EVI5: variants seen among roughly 807,000 people sequenced by gnomAD.
EVI5 encodes the protein ecotropic viral integration site 5, also known as ecotropic viral integration site 5 protein homolog.
Under a neutral mutation model 112.0 loss-of-function variants are expected in EVI5, and 73 were observed. That is an observed-to-expected ratio of 0.65 (90% CI 0.54 to 0.79). The LOEUF (loss-of-function observed/expected upper bound fraction) is 0.79, where lower values mean the gene tolerates loss of function less well. EVI5 is among the 30% of genes least tolerant of loss of function. The pLI, the probability that EVI5 is intolerant of heterozygous loss-of-function variation, is 0.00. For missense variants in EVI5, 900 were observed against 968.8 expected, an observed-to-expected ratio of 0.93 and a Z score of 0.94; for synonymous variants, 305 against 319.9, an observed-to-expected ratio of 0.95 and a Z score of 0.50.
intron 18 of EVI5, among the ~76,000 whole-genome samples, chr1:92,587,401 A>C (rs1672991770): frequency 1.3e-5 from 2 of 152,112 alleles, no homozygotes; most frequent in African/African-American, 4.8e-5. Context: ...AAAAAAAAAA[A>C]AAAAACTATT....
intron 2 of EVI5, among the ~76,000 whole-genome samples, chr1:92,721,649 A>T (rs1280588970): frequency 1.3e-5 from 2 of 152,220 alleles, no homozygotes; most frequent in African/African-American, 4.8e-5. Flanking sequence ...TACGTTGTGC[A>T]CATGTACCCT....
At chr1:92,563,614 T>C (rs1254348782) in intron 19 of EVI5, 28 bp downstream of exon 19, 2 of 1,174,932 alleles carry the variant, frequency 1.7e-6, no homozygotes, top group African/African-American at 1.5e-5. Flanking sequence ...AAGAAAGCAA[T>C]ATGTGAAGAT....
rs534480963 is a variant in EVI5 at position 92,623,526 on chromosome 1, AT to A, written c.1827+649del. ...GGGTTTCATAAAAAGACCTTTGCAG[AT>A]CTTAAGTATATTTAAGATAGAATTT... On this transcript the variant is annotated intron_variant, in intron 16 of 19. Transcript: ENST00000684568. Among the ~76,000 whole-genome samples the A allele has an allele frequency of 6.4e-4, 97 of 152,368 alleles. 1 individual carries two copies. The highest frequency in any genetic ancestry group is 2.1e-3 in the African/African-American group (86 of 41,592).
intron 2 of EVI5, chr1:92,713,879 A>G (rs1673217141): frequency 3.9e-6 from 1 of 257,002 alleles, no homozygotes. Context: ...TAAAAACGGA[A>G]CAAATATGGC....
intron 2 of EVI5, among the ~76,000 whole-genome samples, chr1:92,730,361 A>C (rs1676247240): frequency 6.6e-6 from 1 of 151,924 alleles, no homozygotes; most frequent in Non-Finnish European, 1.5e-5. Flanking sequence ...CCCATCTCTA[A>C]AAGAAAGAAA....
chr1:92,518,194 G>A (rs1048970183), intron 19 of EVI5, among the ~76,000 whole-genome samples: 1 of 152,050 alleles, frequency 6.6e-6, no homozygotes, highest in Non-Finnish European at 1.5e-5. Flanking sequence ...CATCATGACT[G>A]GCAAAGCATA....
chr1:92,542,409 G>A (rs1043779629), intron 19 of EVI5, among the ~76,000 whole-genome samples: 3 of 152,086 alleles, frequency 2.0e-5, no homozygotes, highest in African/African-American at 7.2e-5. Context: ...CATCTGCAGT[G>A]ACTTCCTCCA....
In EVI5 at chr1:92,784,954, T is replaced by C. The variant is rs1685428729; in HGVS notation, c.-200A>G. 2.0e-6 allele frequency: 2 copies of C among 985,316 alleles called. No homozygotes were observed. Among genetic ancestry groups the C allele is most frequent in the Non-Finnish European group, 2.4e-6 (2 of 830,190 alleles). The allele number at this position is 985,316 out of a possible 1,614,324, so 61.0% of individuals were successfully genotyped here. On this transcript the variant is annotated 5_prime_UTR_variant, in exon 1 of 20. Transcript: ENST00000684568. ...GGCTCCACGGGTCGCCCGTCCCGAG[T>C]TCCCAAAAGCACCACGCTCACTCAG...
At position 92,702,865 on chromosome 1, in the gene EVI5, G is replaced by C. The variant is rs188151345; in HGVS notation, c.564+530C>G. ...ATTGATGTATATAAAACTAGACTAGGTTTAAGGCAAAGGATTGGCGAAATT... is the reference window on the plus strand; with the variant it reads ...ATTGATGTATATAAAACTAGACTAGCTTTAAGGCAAAGGATTGGCGAAATT... On this transcript the variant is annotated intron_variant, in intron 4 of 19. Transcript: ENST00000684568. Among the ~76,000 whole-genome samples the C allele has an allele frequency of 9.0e-4, 137 of 152,056 alleles. 1 individual carries two copies. Among genetic ancestry groups the C allele is most frequent in the African/African-American group, 3.3e-3 (135 of 41,466 alleles).
intron 19 of EVI5, among the ~76,000 whole-genome samples, chr1:92,536,979 T>C (rs1469525486): frequency 6.6e-6 from 1 of 152,162 alleles, no homozygotes; most frequent in Non-Finnish European, 1.5e-5. Flanking sequence ...AGTGCTTTCA[T>C]GCATATTATT....
intron 16 of EVI5, among the ~76,000 whole-genome samples, chr1:92,615,765 T>C (rs1275443265): frequency 6.6e-6 from 1 of 152,142 alleles, no homozygotes; most frequent in Non-Finnish European, 1.5e-5. Context: ...ACCTGTTTGC[T>C]TCTAGACCTA....
At chr1:92,631,407 G>C (rs1485588691) in intron 14 of EVI5, among the ~76,000 whole-genome samples, 9 of 152,190 alleles carry the variant, frequency 5.9e-5, no homozygotes, top group Admixed American at 5.9e-4. Flanking sequence ...TCCCTTGTAA[G>C]TTGGATTCCC....
chr1:92,640,705 T>C (rs1425021844), intron 13 of EVI5, among the ~76,000 whole-genome samples: 1 of 152,040 alleles, frequency 6.6e-6, no homozygotes, highest in African/African-American at 2.4e-5. Context: ...GAAATACCAT[T>C]TGACCCAGCA....
upstream of EVI5, among the ~76,000 whole-genome samples, chr1:92,785,633 C>T (rs1685549345): frequency 6.6e-6 from 1 of 152,190 alleles, no homozygotes; most frequent in Non-Finnish European, 1.5e-5. Context: ...GGCACGAATA[C>T]GTAAGATTCA....
intron 19 of EVI5, among the ~76,000 whole-genome samples, chr1:92,520,373 G>GTC (rs933948584): frequency 9.2e-5 from 14 of 152,130 alleles, no homozygotes; most frequent in Non-Finnish European, 2.1e-4. Context: ...TCTGTTGTGA[G>GTC]TGACAGTTAT....
At position 92,659,884 on chromosome 1, in the gene EVI5, C is replaced by T. The variant is rs376464686; in HGVS notation, c.1392+2835G>A. 7.1e-4 allele frequency among the ~76,000 whole-genome samples: 108 copies of T among 151,960 alleles called. 1 individual carries two copies. The highest frequency in any genetic ancestry group is 4.2e-3 in the South Asian group (20 of 4,800). On this transcript the variant is annotated intron_variant, in intron 13 of 19. Transcript: ENST00000684568. ...TACAAAAAAATGGTGTGTATATACA[C>T]CATGAAATATTACTCAGCCATTAAA... is the stretch of plus-strand genomic sequence containing the variant.
intron 1 of EVI5, among the ~76,000 whole-genome samples, chr1:92,762,868 A>G (rs1682081898): frequency 6.6e-6 from 1 of 152,160 alleles, no homozygotes; most frequent in Non-Finnish European, 1.5e-5. Context: ...TACTGGGTAC[A>G]ATATACACTA....
intron 17 of EVI5, 93 bp from the exon 18 acceptor site, chr1:92,605,495 A>G (rs1650181159): frequency 1.1e-5 from 9 of 785,048 alleles, no homozygotes; most frequent in Non-Finnish European, 1.8e-5. Context: ...CCATACGTTA[A>G]GTATTATCTA....
intron 14 of EVI5, among the ~76,000 whole-genome samples, chr1:92,629,519 T>C (rs2101827872): frequency 6.6e-6 from 1 of 152,330 alleles, no homozygotes; most frequent in South Asian, 2.1e-4. Flanking sequence ...ACTTATCTCA[T>C]CTTTGATGTT....
Sources: gnomAD v4.1 joint callset for allele counts (sites outside exome capture counted in the v4.1 genomes callset) on GRCh38, gnomAD v4.1.1 for gene constraint, MANE v1.5 for transcripts, NCBI Gene and HGNC (gene_info 2026-07-23, HGNC 2026-07-21) for gene names.